The following MMRN1 variants were observed in gnomAD, a reference collection of about 807,000 sequenced individuals.
The protein encoded by MMRN1 is multimerin-1.
Under a neutral mutation model 100.7 loss-of-function variants are expected in MMRN1, and 94 were observed. That is an observed-to-expected ratio of 0.93 (90% confidence interval 0.79 to 1.11). The LOEUF is 1.11. MMRN1 is among the 50% of genes least tolerant of loss of function. The pLI is 0.00. For missense variants in MMRN1, 1,606 were observed against 1,439.1 expected (o/e 1.12, Z -1.88); for synonymous variants, 575 against 505.0 (o/e 1.14, Z -1.86).
intron 1 of MMRN1, among the ~76,000 whole-genome samples, chr4:89,882,175 C>G (rs898469581): frequency 6.6e-6 from 1 of 151,566 alleles, no homozygotes; most frequent in African/African-American, 2.4e-5. Context: ...TGGGTTTTGT[C>G]ATGTAAAAAA....
intron 6 of MMRN1, among the ~76,000 whole-genome samples, chr4:89,948,830 G>A (rs565818140): frequency 6.6e-6 from 1 of 152,152 alleles, no homozygotes; most frequent in Non-Finnish European, 1.5e-5. Context: ...CAGACAAGTG[G>A]CTGAGGCATC....
chr4:89,906,254 G>A (rs2110591594), intron 1 of MMRN1, among the ~76,000 whole-genome samples: 1 of 151,642 alleles, frequency 6.6e-6, no homozygotes, highest in South Asian at 2.1e-4. Context: ...AAGTCTTTGA[G>A]TTTTATGAAT....
intron 1 of MMRN1, among the ~76,000 whole-genome samples, chr4:89,897,133 T>A (rs1368516248): frequency 6.6e-6 from 1 of 152,220 alleles, no homozygotes; most frequent in African/African-American, 2.4e-5. Flanking sequence ...TGTAATTAAA[T>A]TTTTAAAAAC....
intron 1 of MMRN1, among the ~76,000 whole-genome samples, chr4:89,903,851 A>T (rs72659403): frequency 6.8e-6 from 1 of 147,418 alleles, no homozygotes; most frequent in South Asian, 2.2e-4. Flanking sequence ...GCTTATGCAG[A>T]TGTGCCCACT....
intron 1 of MMRN1, among the ~76,000 whole-genome samples, chr4:89,883,089 C>CA (rs1720856177): frequency 6.6e-6 from 1 of 152,138 alleles, no homozygotes; most frequent in South Asian, 2.1e-4. Context: ...TTGCATGTAT[C>CA]AGTGTTCATT....
rs766122536 is a variant in MMRN1 at position 89,895,280 on chromosome 4, A to G, written c.309A>G (p.Thr103=). Residue 103 remains threonine (T), a synonymous_variant, in exon 1 of 8, where the codon ACA becomes ACG. Coordinates refer to ENST00000264790, the MANE Select transcript of MMRN1 (RefSeq NM_007351.3). ...EGVRNQTLTS[T]EKAEGVVKLQ... is the part of the protein sequence containing the mutation. ...TGAGAAATCAAACTCTCACATCCAC[A>G]GAGAAAGCAGAAGGAGTGGTCAAGT... The G allele has an allele frequency of 1.1e-5, 18 of 1,613,934 alleles. 1 individual carries two copies. The highest frequency in any genetic ancestry group is 9.9e-5 in the South Asian group (9 of 91,082).
chr4:89,895,464 ATTGGAGGCGTTGGAGGCACTGGAGGCG>A lies in MMRN1; in HGVS notation c.495_521del (p.Ile165_Val174delinsMet), dbSNP rs755843251. The A allele has an allele frequency of 6.2e-7, 1 of 1,613,744 alleles. No homozygotes were observed. Among genetic ancestry groups the A allele is most frequent in the South Asian group, 1.1e-5 (1 of 91,052 alleles). ...AAACACAGTTGGAGGCACTGGAGGC[ATTGGAGGCGTTGGAGGCACTGGAGGCG>A]TGGGAAATCGAGCCCCACGGGAAAC... On this transcript the variant is annotated inframe_deletion, in exon 1 of 8. Transcript: ENST00000264790.
At chr4:89,883,850 C>T (rs1366842349) in intron 1 of MMRN1, among the ~76,000 whole-genome samples, 1 of 152,090 alleles carries the variant, frequency 6.6e-6, no homozygotes, top group Non-Finnish European at 1.5e-5. Context: ...CTTATACTTG[C>T]ATCTACAAGG....
At chr4:89,885,487 G>A (rs1578457430) in intron 1 of MMRN1, among the ~76,000 whole-genome samples, 4 of 152,104 alleles carry the variant, frequency 2.6e-5, no homozygotes, top group Admixed American at 2.6e-4. Flanking sequence ...AAGAATTCCT[G>A]AAGATTTGTA....
intron 1 of MMRN1, among the ~76,000 whole-genome samples, chr4:89,903,897 G>GA (rs71596503): frequency 0.39 from 49,681 of 127,066 alleles, 10,070 homozygotes; most frequent in African/African-American, 0.53. Context: ...TTCAGGATTA[G>GA]AAAAAAAAAA....
chr4:89,926,525 T>C (rs1019513367), intron 4 of MMRN1, among the ~76,000 whole-genome samples: 1 of 152,214 alleles, frequency 6.6e-6, no homozygotes, highest in African/African-American at 2.4e-5. Flanking sequence ...ATTTTGATTA[T>C]TAGTCCCTTG....
chr4:89,924,276 T>C (rs1233022252), intron 4 of MMRN1, among the ~76,000 whole-genome samples: 2 of 151,860 alleles, frequency 1.3e-5, no homozygotes, highest in African/African-American at 4.9e-5. Context: ...CTTTGTTTCT[T>C]TTTGAGAGTG....
At chr4:89,919,653 T>A (rs939788272) in intron 3 of MMRN1, among the ~76,000 whole-genome samples, 1 of 151,980 alleles carries the variant, frequency 6.6e-6, no homozygotes, top group Admixed American at 6.6e-5. Flanking sequence ...GTTTGCAGAG[T>A]ATCATTACCT....
chr4:89,936,586 C>G lies in MMRN1; in HGVS notation c.2906C>G (p.Pro969Arg). The change falls in exon 6 of 8, where the codon CCA becomes CGA. Residue 969 changes from proline to arginine, a missense_variant. Transcript: ENST00000264790. ...LQKGLTEFVE[P>R]IIQIKTQAAL... is the part of the protein sequence containing the mutation. ...AAAGGTCTAACAGAATTTGTGGAACCAATAATTCAAATAAAAACTCAAGCT... is the reference window on the plus strand; with the variant it reads ...AAAGGTCTAACAGAATTTGTGGAACGAATAATTCAAATAAAAACTCAAGCT... 6.2e-7 allele frequency: 1 copy of G among 1,611,644 alleles called. No individual in the cohort carries two copies.
chr4:89,934,160 T>C (rs569319940), intron 5 of MMRN1, among the ~76,000 whole-genome samples: 10 of 152,242 alleles, frequency 6.6e-5, no homozygotes, highest in African/African-American at 2.2e-4. Flanking sequence ...ATTAATGTCA[T>C]ACTATAATAA....
chr4:89,892,114 C>T (rs1208323262), upstream of MMRN1, among the ~76,000 whole-genome samples: 1 of 151,676 alleles, frequency 6.6e-6, no homozygotes, highest in Admixed American at 6.6e-5. Flanking sequence ...TCATCACCTA[C>T]AGACAACCCA....
At chr4:89,912,151 T>G (rs561788869) in intron 3 of MMRN1, 101 bp downstream of exon 3, 1 of 771,272 alleles carries the variant, frequency 1.3e-6, no homozygotes, top group East Asian at 3.1e-5. Context: ...TAAATTAACA[T>G]GTAGCCAAAC....
chr4:89,914,437 AT>A (rs1307820138), intron 3 of MMRN1, among the ~76,000 whole-genome samples: 1 of 151,388 alleles, frequency 6.6e-6, no homozygotes, highest in African/African-American at 2.4e-5. Flanking sequence ...GATAATCAAA[AT>A]ACTGGTAGCC....
intron 1 of MMRN1, among the ~76,000 whole-genome samples, chr4:89,883,459 T>C (rs1279572685): frequency 1.3e-5 from 2 of 152,126 alleles, no homozygotes; most frequent in East Asian, 3.9e-4. Flanking sequence ...TATCTCAGTG[T>C]AGTTTTAGTT....
Sources: allele counts gnomAD v4.1 joint callset (sites outside exome capture counted in the v4.1 genomes callset), GRCh38; gene constraint gnomAD v4.1.1; transcripts MANE v1.5; gene names NCBI Gene and HGNC (gene_info 2026-07-23, HGNC 2026-07-21).